MCPH1: variants seen among roughly 807,000 people sequenced by gnomAD.
MCPH1 encodes microcephalin 1, also known as microcephalin.
Under a neutral mutation model 84.5 loss-of-function variants are expected in MCPH1, and 104 were observed. The observed-to-expected ratio is 1.23, with a 90% CI of 1.05 to 1.45. MCPH1 has a LOEUF of 1.45. Ranked by LOEUF, MCPH1 falls within the 40% of genes most tolerant of loss-of-function variation. The pLI, the probability that MCPH1 is intolerant of heterozygous loss-of-function variation, is 0.00. For synonymous variants in MCPH1, 514 were observed against 366.8 expected, an observed-to-expected ratio of 1.40 and a Z score of -4.58; for missense variants, 1,498 against 1,005.7, an observed-to-expected ratio of 1.49 and a Z score of -6.62.
chr8:6,489,190 A>C (rs949996265), intron 11 of MCPH1, among the ~76,000 whole-genome samples: 1 of 152,188 alleles, frequency 6.6e-6, no homozygotes, highest in African/African-American at 2.4e-5. Flanking sequence ...ACAAATATTC[A>C]GAGGAAAGGT....
At chr8:6,638,364 G>C (rs1797705278) in intron 13 of MCPH1, among the ~76,000 whole-genome samples, 1 of 152,078 alleles carries the variant, frequency 6.6e-6, no homozygotes, top group Admixed American at 6.5e-5. Flanking sequence ...GTGTGCTCTT[G>C]AACTTCTGTA....
intron 12 of MCPH1, 68 bp downstream of exon 12, chr8:6,499,997 AG>A (rs1270976061): frequency 2.3e-5 from 32 of 1,371,042 alleles, no homozygotes; most frequent in Non-Finnish European, 3.1e-5. Flanking sequence ...TATAAACATA[AG>A]GGTGGACTTA....
intron 12 of MCPH1, among the ~76,000 whole-genome samples, chr8:6,552,716 G>C (rs1012988110): frequency 6.6e-6 from 1 of 151,968 alleles, no homozygotes; most frequent in Non-Finnish European, 1.5e-5. Context: ...ACTGATGTAG[G>C]TAAGAAAACT....
chr8:6,439,998 T>C (rs775707972), intron 6 of MCPH1, among the ~76,000 whole-genome samples: 5 of 152,202 alleles, frequency 3.3e-5, no homozygotes, highest in Non-Finnish European at 7.3e-5. Context: ...TGTGTGGAGG[T>C]GTAATTTCTG....
intron 12 of MCPH1, among the ~76,000 whole-genome samples, chr8:6,530,166 C>T (rs544789488): frequency 6.6e-6 from 1 of 152,126 alleles, no homozygotes; most frequent in East Asian, 1.9e-4. Flanking sequence ...GGGCATGTGA[C>T]TTAATCATTA....
At chr8:6,423,923 T>C (rs1800653133) in intron 3 of MCPH1, among the ~76,000 whole-genome samples, 1 of 152,214 alleles carries the variant, frequency 6.6e-6, no homozygotes. Context: ...TCTCTGACTT[T>C]TAGTGAGCTT....
At chr8:6,553,458 A>G (rs979266503) in intron 12 of MCPH1, among the ~76,000 whole-genome samples, 1 of 152,122 alleles carries the variant, frequency 6.6e-6, no homozygotes. Context: ...TTGCTGGTCT[A>G]ATGGTAATTG....
rs57835088 is a variant in MCPH1 at position 6,552,815 on chromosome 8, C to CTTT, written c.2214+52896_2214+52898dup. On this transcript the variant is annotated intron_variant, in intron 12 of 13. Coordinates refer to ENST00000344683, the MANE Select transcript of MCPH1 (RefSeq NM_024596.5). The stretch of plus-strand genomic sequence containing the variant: ...AACAATTGTTCTACAGTTATTCCTG[C>CTTT]TTTTTTTTTTTTAACTCACTCATTA... Among the ~76,000 whole-genome samples the CTTT allele has an allele frequency of 5.4e-4, 79 of 146,282 alleles. 1 individual carries two copies. Among genetic ancestry groups the CTTT allele is most frequent in the African/African-American group, 1.6e-3 (66 of 40,418 alleles).
At chr8:6,615,681 G>C (rs1329064546) in intron 12 of MCPH1, 5 of 152,162 alleles carry the variant, frequency 3.3e-5, no homozygotes, top group Non-Finnish European at 7.3e-5. Flanking sequence ...AATTCTATGA[G>C]TTTAAACACA....
At chr8:6,434,376 C>T (rs1328108799) in intron 4 of MCPH1, among the ~76,000 whole-genome samples, 1 of 152,186 alleles carries the variant, frequency 6.6e-6, no homozygotes, top group African/African-American at 2.4e-5. Flanking sequence ...ACAATGTTGA[C>T]AGGCCAGCAC....
chr8:6,631,792 A>C (rs910188824), intron 13 of MCPH1, among the ~76,000 whole-genome samples: 1 of 152,252 alleles, frequency 6.6e-6, no homozygotes, highest in Non-Finnish European at 1.5e-5. Context: ...TCATCAAAAA[A>C]TGAAAAGTAG....
chr8:6,411,049 C>A (rs1424774958), intron 2 of MCPH1, among the ~76,000 whole-genome samples: 1 of 152,068 alleles, frequency 6.6e-6, no homozygotes, highest in Non-Finnish European at 1.5e-5. Flanking sequence ...GAGATTGCAC[C>A]ACTGCACTCC....
intron 12 of MCPH1, among the ~76,000 whole-genome samples, chr8:6,534,528 C>G (rs1302260762): frequency 6.6e-6 from 1 of 152,120 alleles, no homozygotes; most frequent in Non-Finnish European, 1.5e-5. Flanking sequence ...CTCAGCCCCC[C>G]AAAGTGCTGG....
At chr8:6,510,722 C>G (rs1404657385) in intron 12 of MCPH1, among the ~76,000 whole-genome samples, 2 of 152,162 alleles carry the variant, frequency 1.3e-5, no homozygotes, top group Non-Finnish European at 2.9e-5. Flanking sequence ...CTGGTGCACA[C>G]CTAAACAGAG....
intron 12 of MCPH1, chr8:6,620,134 C>T (rs1422266371): frequency 6.6e-6 from 1 of 152,138 alleles, no homozygotes; most frequent in African/African-American, 2.4e-5. Flanking sequence ...AAAATACTCA[C>T]AAAGTCACCA....
chr8:6,601,329 C>T (rs1829343055), intron 12 of MCPH1, among the ~76,000 whole-genome samples: 1 of 152,166 alleles, frequency 6.6e-6, no homozygotes, highest in Admixed American at 6.5e-5. Flanking sequence ...AGTTCAGACT[C>T]TTGAGCAAAG....
rs550068553 is a variant in MCPH1 at position 6,542,599 on chromosome 8, T to TA, written c.2214+42682dup. Among the ~76,000 whole-genome samples, 55 of 146,604 alleles carry TA rather than the reference T, an allele frequency of 3.8e-4. 1 individual carries two copies. Among genetic ancestry groups the TA allele is most frequent in the African/African-American group, 5.2e-4 (21 of 40,014 alleles). ...TGTACTGATATGCCTATTCTTATCT[T>TA]AAAAAAAAAAAAGTGCTGTCTGAGG... On this transcript the variant is annotated intron_variant, in intron 12 of 13. Coordinates refer to ENST00000344683, the MANE Select transcript of MCPH1 (RefSeq NM_024596.5).
chr8:6,632,599 G>A (rs1797244649), intron 13 of MCPH1, among the ~76,000 whole-genome samples: 1 of 152,164 alleles, frequency 6.6e-6, no homozygotes, highest in African/African-American at 2.4e-5. Flanking sequence ...CACAAGGTCA[G>A]GAGATCGAGA....
chr8:6,473,107 A>AT (rs1478215536), intron 9 of MCPH1, among the ~76,000 whole-genome samples: 1 of 152,130 alleles, frequency 6.6e-6, no homozygotes, highest in Admixed American at 6.5e-5. Flanking sequence ...ATAAGCCTTT[A>AT]TTTTTTAGGT....
Sources: gnomAD v4.1 joint callset for allele counts (sites outside exome capture counted in the v4.1 genomes callset) on GRCh38, gnomAD v4.1.1 for gene constraint, MANE v1.5 for transcripts, NCBI Gene and HGNC (gene_info 2026-07-23, HGNC 2026-07-21) for gene names.